The following PARD3 variants were observed in gnomAD, a reference collection of about 807,000 sequenced individuals.
PARD3 encodes the protein par-3 family cell polarity regulator.
PARD3 carries 75 observed loss-of-function variants against 155.4 expected under a neutral mutation model. That is an observed-to-expected ratio of 0.48 (90% confidence interval 0.40 to 0.58). The LOEUF is 0.58. Among genes scored for constraint, PARD3 ranks in the 20% least tolerant of loss-of-function variants. PARD3 has a pLI of 0.00. For synonymous variants in PARD3, 576 were observed against 610.5 expected, an observed-to-expected ratio of 0.94 and a Z score of 0.83; for missense variants, 1,642 against 1,721.7, an observed-to-expected ratio of 0.95 and a Z score of 0.82.
At chr10:34,580,546 A>G (rs1354735804) in intron 2 of PARD3, among the ~76,000 whole-genome samples, 1 of 152,126 alleles carries the variant, frequency 6.6e-6, no homozygotes, top group East Asian at 1.9e-4. Context: ...ATTCATTCAT[A>G]AACAAATAAA....
At chr10:34,792,596 ACT>A (rs1333612882) in intron 1 of PARD3, among the ~76,000 whole-genome samples, 2 of 152,200 alleles carry the variant, frequency 1.3e-5, no homozygotes, top group Admixed American at 1.3e-4. Context: ...TCTCAAGTAC[ACT>A]GTTTTCCCAC....
chr10:34,470,470 G>A (rs537957807), intron 3 of PARD3, among the ~76,000 whole-genome samples: 3 of 152,106 alleles, frequency 2.0e-5, no homozygotes, highest in South Asian at 4.1e-4. Context: ...TGTCGGCTCC[G>A]AGCAAAATGG....
intron 3 of PARD3, among the ~76,000 whole-genome samples, chr10:34,478,718 T>C (rs1253226772): frequency 6.6e-6 from 1 of 152,118 alleles, no homozygotes; most frequent in Non-Finnish European, 1.5e-5. Context: ...TAATTTTGTA[T>C]ATTTAGTAGA....
intron 24 of PARD3, among the ~76,000 whole-genome samples, chr10:34,112,119 G>C (rs1233505286): frequency 6.6e-6 from 1 of 152,210 alleles, no homozygotes; most frequent in Admixed American, 6.5e-5. Flanking sequence ...AAATGCAACA[G>C]GCAGTCCCTT....
intron 2 of PARD3, among the ~76,000 whole-genome samples, chr10:34,684,872 C>CACAT (rs1554810245): frequency 3.1e-5 from 3 of 95,894 alleles, no homozygotes; most frequent in Admixed American, 1.3e-4. Flanking sequence ...TATATATACA[C>CACAT]ACACATACAC....
chr10:34,659,203 CA>C (rs1231397587), intron 2 of PARD3, among the ~76,000 whole-genome samples: 1 of 152,172 alleles, frequency 6.6e-6, no homozygotes, highest in East Asian at 1.9e-4. Context: ...CAGGACAAAC[CA>C]ACACATGTCA....
intron 23 of PARD3, among the ~76,000 whole-genome samples, chr10:34,121,551 G>C (rs1588841653): frequency 6.6e-6 from 1 of 152,220 alleles, no homozygotes; most frequent in African/African-American, 2.4e-5. Flanking sequence ...CGAGCTGTAA[G>C]ATAACAGGTA....
intron 22 of PARD3, among the ~76,000 whole-genome samples, chr10:34,159,287 C>T (rs1326089033): frequency 2.0e-5 from 3 of 152,148 alleles, no homozygotes; most frequent in African/African-American, 7.2e-5. Flanking sequence ...TACTGCTACT[C>T]ATGGGCTGTT....
At chr10:34,220,821 T>C (rs1952241721) in intron 22 of PARD3, among the ~76,000 whole-genome samples, 1 of 152,220 alleles carries the variant, frequency 6.6e-6, no homozygotes, top group Non-Finnish European at 1.5e-5. Context: ...CCAAACAGTT[T>C]GAATTAGTTA....
chr10:34,558,226 C>A (rs999927914), intron 2 of PARD3, among the ~76,000 whole-genome samples: 1 of 152,116 alleles, frequency 6.6e-6, no homozygotes, highest in Non-Finnish European at 1.5e-5. Context: ...GAATCTACTA[C>A]CGCTATTTCA....
intron 22 of PARD3, among the ~76,000 whole-genome samples, chr10:34,135,677 A>G (rs1026834496): frequency 4.6e-5 from 7 of 152,214 alleles, no homozygotes; most frequent in African/African-American, 1.4e-4. Context: ...CCCCACAGGC[A>G]AGCCAACTCA....
At chr10:34,190,713 G>C (rs1950667158) in intron 22 of PARD3, among the ~76,000 whole-genome samples, 1 of 152,168 alleles carries the variant, frequency 6.6e-6, no homozygotes, top group Non-Finnish European at 1.5e-5. Flanking sequence ...GATAAATGCT[G>C]TAACCAGAGG....
intron 7 of PARD3, among the ~76,000 whole-genome samples, chr10:34,397,864 T>C (rs1213625679): frequency 1.3e-5 from 2 of 152,230 alleles, no homozygotes; most frequent in African/African-American, 4.8e-5. Flanking sequence ...TCCATGCATT[T>C]TACCTTATCT....
chr10:34,247,229 T>C (rs927976030), intron 22 of PARD3, among the ~76,000 whole-genome samples: 1 of 152,008 alleles, frequency 6.6e-6, no homozygotes, highest in African/African-American at 2.4e-5. Flanking sequence ...AGGATAGACA[T>C]GGTGGTTCAC....
chr10:34,158,987 A>G (rs1260190959), intron 22 of PARD3, among the ~76,000 whole-genome samples: 1 of 152,220 alleles, frequency 6.6e-6, no homozygotes, highest in Non-Finnish European at 1.5e-5. Context: ...AAGGATGAAG[A>G]CTGAATTGCA....
intron 2 of PARD3, among the ~76,000 whole-genome samples, chr10:34,583,600 G>C (rs1001343993): frequency 2.6e-5 from 4 of 151,950 alleles, no homozygotes; most frequent in African/African-American, 9.7e-5. Context: ...GAGGAAATGA[G>C]GCCCAATCAA....
At chr10:34,661,093 G>A (rs1293630197) in intron 2 of PARD3, among the ~76,000 whole-genome samples, 1 of 152,138 alleles carries the variant, frequency 6.6e-6, no homozygotes, top group Non-Finnish European at 1.5e-5. Context: ...TGACTAATGG[G>A]ACTGGTGGAG....
chr10:34,359,273 T>G lies in PARD3; in HGVS notation c.1941A>C (p.Gly647=). ...RVNDQLIAVN[G]ESLLGKTNQD... is the part of the protein sequence containing the mutation. The stretch of plus-strand genomic sequence containing the variant: ...GGTTTGTCTTGCCCAACAGGGATTC[T>G]CCATTTACTGCTATCAGTTGATCAT... Residue 647 remains glycine, a synonymous_variant, in exon 14 of 25, where the codon GGA becomes GGC. Transcript: ENST00000374788. 6.2e-7 allele frequency: 1 copy of G among 1,614,012 alleles called. No homozygotes were observed. The highest frequency in any genetic ancestry group is 1.6e-4 in the Middle Eastern group (1 of 6,062).
intron 10 of PARD3, among the ~76,000 whole-genome samples, chr10:34,377,658 C>T (rs1311580963): frequency 6.6e-6 from 1 of 151,932 alleles, no homozygotes; most frequent in Non-Finnish European, 1.5e-5. Context: ...AAGAGCTGGG[C>T]ACGATGGCTC....
Sources: gnomAD v4.1 joint callset for allele counts (sites outside exome capture counted in the v4.1 genomes callset) on GRCh38, gnomAD v4.1.1 for gene constraint, MANE v1.5 for transcripts, NCBI Gene and HGNC (gene_info 2026-07-23, HGNC 2026-07-21) for gene names.